Variants in DST observed in about 807,000 individuals in gnomAD.
The protein encoded by DST is dystonin, also known as bullous pemphigoid antigen.
A neutral mutation model predicts 875.2 loss-of-function variants in DST; 253 were observed. The observed-to-expected ratio is 0.29, with a 90% CI of 0.26 to 0.32. The LOEUF (loss-of-function observed/expected upper bound fraction) is 0.32, where lower values mean the gene tolerates loss of function less well. DST is among the 10% of genes least tolerant of loss of function. DST has a pLI of 1.00. For missense variants in DST, 8,287 were observed against 9,111.6 expected, an observed-to-expected ratio of 0.91 and a Z score of 3.68; for synonymous variants, 3,124 against 3,197.1, an observed-to-expected ratio of 0.98 and a Z score of 0.77.
intron 9 of DST, chr6:56,693,456 C>G (rs754859651): frequency 1.1e-4 from 100 of 931,680 alleles, no homozygotes; most frequent in Non-Finnish European, 3.1e-5. Flanking sequence ...AAGGCAAACC[C>G]TTAGCTTCAC....
chr6:56,589,569 T>A (rs948306840), intron 49 of DST, among the ~76,000 whole-genome samples: 9 of 152,228 alleles, frequency 5.9e-5, no homozygotes, highest in African/African-American at 2.2e-4. Flanking sequence ...GTTTCCTGAC[T>A]TAACACCACC....
intron 3 of DST, among the ~76,000 whole-genome samples, chr6:56,868,155 T>C (rs1775144763): frequency 6.6e-6 from 1 of 152,238 alleles, no homozygotes; most frequent in Non-Finnish European, 1.5e-5. Flanking sequence ...TTATTTTTAA[T>C]TTGTAAGTAT....
intron 4 of DST, among the ~76,000 whole-genome samples, chr6:56,761,354 G>A (rs1174886980): frequency 6.6e-6 from 1 of 152,208 alleles, no homozygotes; most frequent in Non-Finnish European, 1.5e-5. Context: ...TATACGGCTA[G>A]AAATAACTAA....
chr6:56,586,903 C>T (rs917519632), intron 49 of DST, among the ~76,000 whole-genome samples: 1 of 152,098 alleles, frequency 6.6e-6, no homozygotes, highest in African/African-American at 2.4e-5. Context: ...CACCAAAAAC[C>T]CATCTGTACA....
intron 4 of DST, among the ~76,000 whole-genome samples, chr6:56,839,081 A>G (rs2099796937): frequency 6.6e-6 from 1 of 152,188 alleles, no homozygotes; most frequent in Non-Finnish European, 1.5e-5. Flanking sequence ...TTAAAAATCT[A>G]CATTTCCTAG....
intron 2 of DST, among the ~76,000 whole-genome samples, chr6:56,904,209 T>C (rs1431382850): frequency 6.6e-6 from 1 of 152,120 alleles, no homozygotes. Context: ...AAAAAAGAAA[T>C]CAGGTGGAAA....
intron 10 of DST, among the ~76,000 whole-genome samples, chr6:56,668,043 T>C (rs1343210521): frequency 6.6e-6 from 1 of 152,142 alleles, no homozygotes; most frequent in Non-Finnish European, 1.5e-5. Context: ...AGTAGGTTAT[T>C]TTAGAAGAAT....
In DST at chr6:56,673,570, AAAG is replaced by A. The variant is rs1344839907; in HGVS notation, c.1048-2766_1048-2764del. On this transcript the variant is annotated intron_variant, in intron 9 of 103. Transcript: ENST00000680361. The stretch of plus-strand genomic sequence containing the variant: ...ACAGTTTTACCAGAGGAAGGATGTT[AAAG>A]GAGTTTAGAGGTCTGAAAATAGCCT... 2.6e-5 allele frequency among the ~76,000 whole-genome samples: 4 copies of A among 152,252 alleles called. No individual in the cohort carries two copies. In the East Asian group the frequency reaches 7.7e-4, roughly 29 times the overall value.
At chr6:56,481,682 A>C (rs141423195) in intron 90 of DST, among the ~76,000 whole-genome samples, 3,845 of 152,362 alleles carry the variant, frequency 0.025, 74 homozygotes, top group Non-Finnish European at 0.043. Context: ...TAATTTTATA[A>C]ATGCCAAACT....
At chr6:56,901,787 G>A (rs990125479) in intron 2 of DST, among the ~76,000 whole-genome samples, 4 of 152,028 alleles carry the variant, frequency 2.6e-5, no homozygotes, top group South Asian at 4.2e-4. Flanking sequence ...CTCAGACAAC[G>A]GAAACATGTC....
chr6:56,561,272 T>A (rs1405412813), intron 57 of DST, 36 bp downstream of exon 57: 1 of 1,569,170 alleles, frequency 6.4e-7, no homozygotes, highest in South Asian at 1.2e-5. Flanking sequence ...ATCCATTCTC[T>A]TTCATGTCTT....
rs2097401933 is a variant in DST, at chr6:56,555,680, T to A, written c.14801A>T (p.Gln4934Leu). Residue 4934 changes from glutamine (Q) to leucine (L), a missense_variant, in exon 60 of 104, where the codon CAA (glutamine) becomes CTA (leucine). Physicochemically the swap from Gln to Leu is moderately radical, Grantham distance 113. Transcript: ENST00000680361. ...VTQKWDSLTGQLSDRCDWIDQ... is the reference protein window; with the variant it reads ...VTQKWDSLTGLLSDRCDWIDQ... ...AATCCAGTCACATCTGTCACTCAAT[T>A]GCCCTGTTAGGCTATCCCATTTTTG... is the stretch of plus-strand genomic sequence containing the variant. 1 of 1,613,862 alleles carries A rather than the reference T, an allele frequency of 6.2e-7. No homozygotes were observed. Among genetic ancestry groups the A allele is most frequent in the Admixed American group, 1.7e-5 (1 of 60,004 alleles).
intron 9 of DST, among the ~76,000 whole-genome samples, chr6:56,690,047 T>C (rs887279483): frequency 1.3e-5 from 2 of 152,188 alleles, no homozygotes; most frequent in African/African-American, 4.8e-5. Context: ...GTTTATAACA[T>C]ATCCTTCACA....
chr6:56,760,802 A>G (rs1401166838), intron 4 of DST, among the ~76,000 whole-genome samples: 2 of 152,214 alleles, frequency 1.3e-5, no homozygotes, highest in Non-Finnish European at 2.9e-5. Flanking sequence ...AGATCCTTCA[A>G]TAACAACATA....
At chr6:56,551,621 A>AT (rs999091957) in intron 61 of DST, among the ~76,000 whole-genome samples, 2 of 152,138 alleles carry the variant, frequency 1.3e-5, no homozygotes, top group Non-Finnish European at 2.9e-5. Flanking sequence ...ATGTCATGCA[A>AT]TAAAAAAAAA....
At chr6:56,694,289 A>C (rs1230704023) in intron 9 of DST, among the ~76,000 whole-genome samples, 1 of 151,922 alleles carries the variant, frequency 6.6e-6, no homozygotes, top group Non-Finnish European at 1.5e-5. Flanking sequence ...TACTAAAAAA[A>C]TTAATAATTG....
chr6:56,916,823 C>CACACACACAG (rs555473872), intron 2 of DST, among the ~76,000 whole-genome samples: 28 of 140,754 alleles, frequency 2.0e-4, no homozygotes, highest in African/African-American at 5.7e-4. Context: ...CACACACACA[C>CACACACACAG]AGAGAGACAG....
At chr6:56,699,864 C>T (rs866532240) in intron 8 of DST, 119 bp from the exon 9 acceptor site, 3 of 533,734 alleles carry the variant, frequency 5.6e-6, no homozygotes, top group Admixed American at 4.0e-5. Flanking sequence ...AATTTAAACA[C>T]CAGTAGTCAA....
chr6:56,549,080 G>A (rs1267204883), intron 61 of DST, among the ~76,000 whole-genome samples: 2 of 152,120 alleles, frequency 1.3e-5, no homozygotes, highest in African/African-American at 4.8e-5. Flanking sequence ...ACTATAGAAA[G>A]AAAAACAGAA....
Sources: allele counts gnomAD v4.1 joint callset (sites outside exome capture counted in the v4.1 genomes callset), GRCh38; gene constraint gnomAD v4.1.1; transcripts MANE v1.5; gene names NCBI Gene and HGNC (gene_info 2026-07-23, HGNC 2026-07-21).